The following EYS variants were observed in gnomAD, a reference collection of about 807,000 sequenced individuals.
EYS encodes the protein EGF-like photoreceptor maintenance factor.
In EYS, 250 loss-of-function variants were observed where a neutral mutation model predicts 282.1. The observed-to-expected ratio is 0.89, with a 90% confidence interval of 0.80 to 0.98. The LOEUF (loss-of-function observed/expected upper bound fraction) is 0.98, where lower values mean the gene tolerates loss of function less well. Ranked by LOEUF, EYS falls within the 50% of genes least tolerant of loss-of-function variation. The pLI, the probability that EYS is intolerant of heterozygous loss-of-function variation, is 0.00. For missense variants in EYS, 4,016 were observed against 3,709.0 expected (o/e 1.08, Z -2.15); for synonymous variants, 1,355 against 1,282.9 (o/e 1.06, Z -1.20).
intron 28 of EYS, among the ~76,000 whole-genome samples, chr6:64,390,138 C>T (rs1204903436): frequency 2.0e-5 from 3 of 152,064 alleles, no homozygotes; most frequent in Non-Finnish European, 2.9e-5. Context: ...CACGGAGTCT[C>T]GCTGATTGCT....
chr6:65,044,638 T>C (rs933793991), intron 13 of EYS, among the ~76,000 whole-genome samples: 1 of 151,846 alleles, frequency 6.6e-6, no homozygotes, highest in Non-Finnish European at 1.5e-5. Context: ...CAGAATGATG[T>C]TATCACATCT....
At chr6:63,913,911 T>C (rs1029405841) in intron 35 of EYS, among the ~76,000 whole-genome samples, 3 of 152,202 alleles carry the variant, frequency 2.0e-5, no homozygotes, top group African/African-American at 7.2e-5. Context: ...CAACAGCGTA[T>C]GCTTCTTTCT....
At chr6:64,287,554 T>C (rs574441765) in intron 30 of EYS, among the ~76,000 whole-genome samples, 251 of 152,234 alleles carry the variant, frequency 1.6e-3, no homozygotes, top group Non-Finnish European at 2.7e-3. Context: ...ACAAATTGCC[T>C]TGAAAAGTTC....
chr6:64,376,027 T>C (rs556770471), intron 29 of EYS, among the ~76,000 whole-genome samples: 1 of 152,272 alleles, frequency 6.6e-6, no homozygotes, highest in South Asian at 2.1e-4. Flanking sequence ...AAAAAAATTG[T>C]GAGTCCTTCT....
intron 30 of EYS, among the ~76,000 whole-genome samples, chr6:64,295,979 G>C (rs549105401): frequency 1.3e-5 from 2 of 152,192 alleles, no homozygotes; most frequent in Admixed American, 1.3e-4. Flanking sequence ...TAACTCAAGA[G>C]ACCAATATTT....
At chr6:64,822,586 G>A (rs1764931833) in intron 20 of EYS, 65 bp downstream of exon 20, 9 of 1,274,004 alleles carry the variant, frequency 7.1e-6, no homozygotes, top group Admixed American at 3.0e-5. Flanking sequence ...TTCCCTTGAT[G>A]TTAAGTCTTA....
chr6:65,181,487 G>C (rs930422895), intron 12 of EYS, among the ~76,000 whole-genome samples: 1 of 152,154 alleles, frequency 6.6e-6, no homozygotes, highest in African/African-American at 2.4e-5. Context: ...TCAGGGAAAT[G>C]CAAATCAAAA....
chr6:65,530,907 A>T (rs1245772286), intron 2 of EYS, among the ~76,000 whole-genome samples: 1 of 152,182 alleles, frequency 6.6e-6, no homozygotes, highest in Admixed American at 6.5e-5. Flanking sequence ...TCCAATAAAC[A>T]TATTTTTCTA....
intron 29 of EYS, among the ~76,000 whole-genome samples, chr6:64,310,976 G>A (rs776885038): frequency 6.6e-6 from 1 of 151,806 alleles, no homozygotes; most frequent in South Asian, 2.1e-4. Context: ...TATTTCAAAG[G>A]TTCTTGTTTT....
At chr6:64,432,779 A>C (rs1180467846) in intron 28 of EYS, among the ~76,000 whole-genome samples, 1 of 151,914 alleles carries the variant, frequency 6.6e-6, no homozygotes, top group East Asian at 1.9e-4. Context: ...GTGGAGTGAC[A>C]AATGCTCACC....
chr6:64,855,118 T>C (rs1320973949), intron 19 of EYS, among the ~76,000 whole-genome samples: 1 of 152,036 alleles, frequency 6.6e-6, no homozygotes, highest in African/African-American at 2.4e-5. Flanking sequence ...AGTTTTACTA[T>C]TTTTATTTAG....
At chr6:65,404,916 A>G (rs1171051148) in intron 6 of EYS, among the ~76,000 whole-genome samples, 4 of 152,122 alleles carry the variant, frequency 2.6e-5, no homozygotes, top group South Asian at 2.1e-4. Context: ...TTGAATAACT[A>G]AAAGATGAAA....
chr6:64,033,729 T>C (rs1769974547), intron 33 of EYS, among the ~76,000 whole-genome samples: 1 of 152,090 alleles, frequency 6.6e-6, no homozygotes, highest in South Asian at 2.1e-4. Flanking sequence ...ATTAGAATTA[T>C]TGTTTTCTAG....
chr6:63,837,790 A>T (rs1178842485), intron 36 of EYS, among the ~76,000 whole-genome samples: 6 of 152,154 alleles, frequency 3.9e-5, no homozygotes, highest in Non-Finnish European at 8.8e-5. Context: ...CCTTGTCAAC[A>T]TCAATATCAA....
chr6:64,592,740 T>C (rs1430819615), intron 25 of EYS, among the ~76,000 whole-genome samples: 4 of 152,118 alleles, frequency 2.6e-5, no homozygotes, highest in Non-Finnish European at 2.9e-5. Context: ...TGAGTGTTAG[T>C]CAAATAATTT....
At chr6:64,749,494 C>T (rs1772671841) in intron 22 of EYS, among the ~76,000 whole-genome samples, 2 of 152,130 alleles carry the variant, frequency 1.3e-5, no homozygotes, top group Admixed American at 6.5e-5. Context: ...GAAAATTTAT[C>T]ACATGTCAAA....
chr6:65,064,809 G>A (rs1053415640), intron 12 of EYS, among the ~76,000 whole-genome samples: 9 of 152,116 alleles, frequency 5.9e-5, no homozygotes, highest in East Asian at 5.8e-4. Flanking sequence ...ATCTAGAAAC[G>A]TTATAGATCT....
intron 26 of EYS, among the ~76,000 whole-genome samples, chr6:64,481,769 C>T (rs116420439): frequency 0.016 from 2,467 of 151,664 alleles, 23 homozygotes; most frequent in South Asian, 0.036. Context: ...GCCAAGTGTT[C>T]ATTCCAGTGT....
chr6:64,206,692 G>A (rs574303270), intron 31 of EYS, among the ~76,000 whole-genome samples: 10 of 152,272 alleles, frequency 6.6e-5, no homozygotes, highest in South Asian at 4.1e-4. Context: ...GTTTCACACC[G>A]TGACAGGCTT....
Sources: gnomAD v4.1 joint callset for allele counts (sites outside exome capture counted in the v4.1 genomes callset) on GRCh38, gnomAD v4.1.1 for gene constraint, MANE v1.5 for transcripts, NCBI Gene and HGNC (gene_info 2026-07-23, HGNC 2026-07-21) for gene names.